NAALADL2: variants seen among roughly 807,000 people sequenced by gnomAD.
NAALADL2 encodes the protein inactive N-acetylated-alpha-linked acidic dipeptidase-like protein 2.
In NAALADL2, 76 loss-of-function variants were observed where a neutral mutation model predicts 87.2. The observed-to-expected ratio is 0.87, with a 90% CI of 0.72 to 1.05. The LOEUF (loss-of-function observed/expected upper bound fraction) is 1.05. Among genes scored for constraint, NAALADL2 ranks in the 50% least tolerant of loss-of-function variants. NAALADL2 has a pLI of 0.00. For missense variants in NAALADL2, 1,089 were observed against 945.8 expected (o/e 1.15, Z -1.99); for synonymous variants, 354 against 331.0 (o/e 1.07, Z -0.75).
At chr3:175,435,640 T>A (rs1171991540) in intron 5 of NAALADL2, among the ~76,000 whole-genome samples, 1 of 152,102 alleles carries the variant, frequency 6.6e-6, no homozygotes, top group Non-Finnish European at 1.5e-5. Context: ...GTAACTCATA[T>A]ATTATAGTCC....
At chr3:175,797,973 CATG>C (rs1753710550) in intron 13 of NAALADL2, among the ~76,000 whole-genome samples, 1 of 151,940 alleles carries the variant, frequency 6.6e-6, no homozygotes, top group Non-Finnish European at 1.5e-5. Context: ...CATGTAAAAA[CATG>C]ATTTTGTTTT....
At chr3:175,278,560 G>T (rs1303368217) in intron 4 of NAALADL2, among the ~76,000 whole-genome samples, 1 of 152,068 alleles carries the variant, frequency 6.6e-6, no homozygotes, top group Non-Finnish European at 1.5e-5. Flanking sequence ...TGGATGATTT[G>T]CAGCCCTTTA....
At chr3:174,975,849 G>T (rs138522466) in intron 1 of NAALADL2, among the ~76,000 whole-genome samples, 1 of 152,258 alleles carries the variant, frequency 6.6e-6, no homozygotes, top group East Asian at 1.9e-4. Context: ...ACTAAATTCT[G>T]CCAATAAGCT....
chr3:175,436,231 T>C (rs1330500353), intron 5 of NAALADL2, among the ~76,000 whole-genome samples: 4 of 143,704 alleles, frequency 2.8e-5, no homozygotes, highest in Non-Finnish European at 6.1e-5. Flanking sequence ...GTGCCACATT[T>C]TCTTAATCCA....
At chr3:175,114,807 A>G (rs1433431006) in intron 2 of NAALADL2, among the ~76,000 whole-genome samples, 1 of 151,630 alleles carries the variant, frequency 6.6e-6, no homozygotes. Flanking sequence ...TGTTTGTGGA[A>G]TGGGAGGCTT....
chr3:175,126,108 A>T (rs572617703), intron 2 of NAALADL2, among the ~76,000 whole-genome samples: 1 of 152,112 alleles, frequency 6.6e-6, no homozygotes, highest in Non-Finnish European at 1.5e-5. Flanking sequence ...AAGTGAGTGT[A>T]TGTGTATGGG....
intron 2 of NAALADL2, among the ~76,000 whole-genome samples, chr3:175,216,387 A>T (rs1404213261): frequency 6.6e-6 from 1 of 152,138 alleles, no homozygotes; most frequent in Non-Finnish European, 1.5e-5. Context: ...AGAGTATTCA[A>T]ATACTCTTCA....
In NAALADL2 at chr3:175,803,230, T is replaced by C. The variant is rs1040404310; in HGVS notation, c.*27T>C. The C allele has an allele frequency of 9.2e-6, 14 of 1,529,138 alleles. No individual in the cohort carries two copies. Among genetic ancestry groups the C allele is most frequent in the African/African-American group, 2.8e-5 (2 of 72,644 alleles). The allele number at this position is 1,529,138 out of a possible 1,614,324, so 94.7% of individuals were successfully genotyped here. The stretch of plus-strand genomic sequence containing the variant: ...AAAACTCTGAGCATTTTTAAAAGTT[T>C]GTTTACAATTCCACAAGCAAAAGCT... On this transcript the variant is annotated 3_prime_UTR_variant, in exon 14 of 14. Transcript: ENST00000454872.
intron 10 of NAALADL2, among the ~76,000 whole-genome samples, chr3:175,583,490 C>A (rs370179808): frequency 2.4e-3 from 329 of 138,464 alleles, no homozygotes; most frequent in South Asian, 3.0e-3. Context: ...GGATGAGCTG[C>A]AAAAAAAAAA....
At chr3:174,805,536 T>A (rs1719368010) in intron 3 of NAALADL2, among the ~76,000 whole-genome samples, 1 of 152,132 alleles carries the variant, frequency 6.6e-6, no homozygotes, top group African/African-American at 2.4e-5. Flanking sequence ...CTTTTCTTGT[T>A]TCAGTAGTAA....
At chr3:175,606,682 A>G (rs141346793) in intron 10 of NAALADL2, among the ~76,000 whole-genome samples, 32 of 152,258 alleles carry the variant, frequency 2.1e-4, no homozygotes, top group Non-Finnish European at 4.4e-4. Flanking sequence ...ACTGTATTTA[A>G]TTTATTCTAA....
At chr3:174,632,893 C>T (rs1213566501) in intron 2 of NAALADL2, among the ~76,000 whole-genome samples, 3 of 142,024 alleles carry the variant, frequency 2.1e-5, no homozygotes, top group African/African-American at 8.1e-5. Context: ...CGAGATCGCG[C>T]CAGTGCACTC....
chr3:174,606,190 C>T (rs574547486), intron 2 of NAALADL2, among the ~76,000 whole-genome samples: 20 of 152,158 alleles, frequency 1.3e-4, no homozygotes, highest in East Asian at 3.9e-4. Flanking sequence ...CATCAAAGAC[C>T]GAAAGTAGAT....
chr3:174,883,020 C>G (rs777747036), intron 1 of NAALADL2, among the ~76,000 whole-genome samples: 72 of 151,744 alleles, frequency 4.7e-4, no homozygotes, highest in South Asian at 2.1e-4. Context: ...AAAGCCAGTC[C>G]GAGATCCAAA....
Position 175,552,984 on chromosome 3 carries a change from T to A in NAALADL2, c.1654-23057T>A, listed in dbSNP as rs181096490. On this transcript the variant is annotated intron_variant, in intron 9 of 13. Transcript: ENST00000454872. ...ATTTTATCAACTAAATCAAATGCCATAAAATTGAATTTACTCTTAAAGATT... is the reference window on the plus strand; with the variant it reads ...ATTTTATCAACTAAATCAAATGCCAAAAAATTGAATTTACTCTTAAAGATT... Among the ~76,000 whole-genome samples, 23 of 152,284 alleles carry A rather than the reference T, an allele frequency of 1.5e-4. 1 individual carries two copies. Among genetic ancestry groups the A allele is most frequent in the Admixed American group, 1.5e-3 (23 of 15,298 alleles).
chr3:175,797,328 AT>A (rs1753620416), intron 13 of NAALADL2, among the ~76,000 whole-genome samples: 1 of 152,146 alleles, frequency 6.6e-6, no homozygotes, highest in Non-Finnish European at 1.5e-5. Flanking sequence ...ATTAAATAAT[AT>A]TTTAATTAGG....
intron 1 of NAALADL2, among the ~76,000 whole-genome samples, chr3:175,028,876 G>T (rs998083420): frequency 6.6e-6 from 1 of 151,368 alleles, no homozygotes; most frequent in Non-Finnish European, 1.5e-5. Flanking sequence ...GTCTCACTTC[G>T]TAGTGTTTCT....
intron 2 of NAALADL2, chr3:174,550,781 G>A (rs1179440071): frequency 6.6e-6 from 1 of 151,882 alleles, no homozygotes; most frequent in African/African-American, 2.4e-5. Flanking sequence ...AAAGTTTATT[G>A]AGTTGTTTAT....
intron 11 of NAALADL2, among the ~76,000 whole-genome samples, chr3:175,697,694 TATTAA>T (rs1738036692): frequency 6.7e-6 from 1 of 150,034 alleles, no homozygotes; most frequent in South Asian, 2.1e-4. Context: ...ACTGACTTAT[TATTAA>T]ATTTATTATT....
Sources: gnomAD v4.1 joint callset for allele counts (sites outside exome capture counted in the v4.1 genomes callset) on GRCh38, gnomAD v4.1.1 for gene constraint, MANE v1.5 for transcripts, NCBI Gene and HGNC (gene_info 2026-07-23, HGNC 2026-07-21) for gene names.